H2BN1: variants seen among roughly 807,000 people sequenced by gnomAD.
The protein encoded by H2BN1 is H2B.N variant histone 1, also known as histone H2B.N.
At chr17:32,901,823 A>T in the H2BN1 span, among the ~76,000 whole-genome samples, 8 of 152,234 alleles carry the variant, frequency 5.3e-5, no homozygotes, top group Non-Finnish European at 1.2e-4. Flanking sequence ...CAATCCCTTA[A>T]GAAAATTTCA....
At chr17:32,897,582 G>A in the H2BN1 span, among the ~76,000 whole-genome samples, 2 of 152,112 alleles carry the variant, frequency 1.3e-5, no homozygotes, top group African/African-American at 2.4e-5. Context: ...AGGGCCTGAC[G>A]GCAGAGAGTG....
At chr17:32,898,460 G>A in the H2BN1 span, among the ~76,000 whole-genome samples, 9 of 152,206 alleles carry the variant, frequency 5.9e-5, no homozygotes, top group African/African-American at 1.9e-4. Context: ...GAGTAGAGCA[G>A]TGACTTTGAA....
At chr17:32,898,165 T>C in the H2BN1 span, among the ~76,000 whole-genome samples, 1 of 152,258 alleles carries the variant, frequency 6.6e-6, no homozygotes, top group South Asian at 2.1e-4. Context: ...GTTGAGGATG[T>C]GTGTCCGTGA....
the H2BN1 span, among the ~76,000 whole-genome samples, chr17:32,900,599 TG>T: frequency 4.6e-5 from 7 of 152,020 alleles, no homozygotes; most frequent in African/African-American, 1.7e-4. Context: ...TTTTTTTTTT[TG>T]AAACGGAGTC....
the H2BN1 span, among the ~76,000 whole-genome samples, chr17:32,902,235 C>T: frequency 1.4e-4 from 22 of 152,086 alleles, no homozygotes; most frequent in Non-Finnish European, 3.1e-4. Flanking sequence ...AGTCATTTAC[C>T]TAGATTATTT....
At chr17:32,902,636 C>T in the H2BN1 span, among the ~76,000 whole-genome samples, 7 of 152,052 alleles carry the variant, frequency 4.6e-5, no homozygotes, top group Admixed American at 6.6e-5. Context: ...GTCAGGAGAT[C>T]GAGACCATCC....
chr17:32,902,111 CG>C, the H2BN1 span, among the ~76,000 whole-genome samples: 37 of 136,422 alleles, frequency 2.7e-4, no homozygotes, highest in African/African-American at 1.0e-3. Context: ...GCTTTCTTAC[CG>C]AAAAAAAAAA....
the H2BN1 span, among the ~76,000 whole-genome samples, chr17:32,897,394 C>CACACAG: frequency 7.0e-6 from 1 of 143,094 alleles, no homozygotes; most frequent in Non-Finnish European, 1.5e-5. Context: ...CACACACACA[C>CACACAG]AGCAACAAGA....
the H2BN1 span, among the ~76,000 whole-genome samples, chr17:32,898,393 A>G: frequency 1.3e-5 from 2 of 152,190 alleles, no homozygotes; most frequent in South Asian, 2.1e-4. Flanking sequence ...GTTGTATTCT[A>G]TTGAGTTTCT....
chr17:32,898,321 G>A, the H2BN1 span, among the ~76,000 whole-genome samples: 3 of 152,176 alleles, frequency 2.0e-5, no homozygotes, highest in Non-Finnish European at 2.9e-5. Context: ...AACTTGAGTC[G>A]AAGGCAGGAC....
the H2BN1 span, among the ~76,000 whole-genome samples, chr17:32,901,038 T>C: frequency 5.3e-5 from 8 of 151,984 alleles, no homozygotes; most frequent in Non-Finnish European, 1.0e-4. Flanking sequence ...TGAAACCCTG[T>C]CTCTACTAAA....
chr17:32,896,630 A>T, the H2BN1 span, among the ~76,000 whole-genome samples: 244 of 152,334 alleles, frequency 1.6e-3, 1 homozygote, highest in African/African-American at 5.6e-3. Context: ...GATTAAGGAA[A>T]GATGGGAGAG....
At chr17:32,898,461 T>TGAC in the H2BN1 span, among the ~76,000 whole-genome samples, 16 of 152,238 alleles carry the variant, frequency 1.1e-4, no homozygotes, top group Admixed American at 1.0e-3. Flanking sequence ...AGTAGAGCAG[T>TGAC]GACTTTGAAT....
the H2BN1 span, among the ~76,000 whole-genome samples, chr17:32,904,438 C>T: frequency 1.3e-5 from 2 of 152,180 alleles, no homozygotes; most frequent in African/African-American, 2.4e-5. Flanking sequence ...TGTTCAGCCA[C>T]CCCTACTTTG....
At chr17:32,898,370 T>A in the H2BN1 span, among the ~76,000 whole-genome samples, 1 of 152,182 alleles carries the variant, frequency 6.6e-6, no homozygotes, top group Non-Finnish European at 1.5e-5. Flanking sequence ...CATAGGTAGA[T>A]AGGAGACAAA....
chr17:32,903,951 C>T, the H2BN1 span, among the ~76,000 whole-genome samples: 18 of 152,328 alleles, frequency 1.2e-4, 1 homozygote, highest in South Asian at 3.5e-3. Context: ...AATGTGTCAC[C>T]ACTAAGTTGT....
chr17:32,901,196 GACTCTGTGTCAA>G, the H2BN1 span, among the ~76,000 whole-genome samples: 1 of 152,070 alleles, frequency 6.6e-6, no homozygotes, highest in Non-Finnish European at 1.5e-5. Context: ...GATAGAGTGA[GACTCTGTGTCAA>G]AAAAAATTTT....
At chr17:32,897,013 GC>G in the H2BN1 span, among the ~76,000 whole-genome samples, 456 of 152,252 alleles carry the variant, frequency 3.0e-3, no homozygotes, top group Non-Finnish European at 5.3e-3. Flanking sequence ...AACTGTGTGG[GC>G]CTGGCAGGCC....
At chr17:32,902,337 G>A in the H2BN1 span, among the ~76,000 whole-genome samples, 1 of 152,084 alleles carries the variant, frequency 6.6e-6, no homozygotes, top group Non-Finnish European at 1.5e-5. Flanking sequence ...CCTCCAAGTT[G>A]TCCTTGTTTA....
Sources: allele counts gnomAD v4.1 joint callset (sites outside exome capture counted in the v4.1 genomes callset), GRCh38; gene constraint gnomAD v4.1.1; transcripts MANE v1.5; gene names NCBI Gene and HGNC (gene_info 2026-07-23, HGNC 2026-07-21).